The following CEP128 variants were observed in gnomAD, a reference collection of about 807,000 sequenced individuals.
CEP128 encodes the protein centrosomal protein 128kDa.
In CEP128, 132 loss-of-function variants were observed where a neutral mutation model predicts 156.7. The ratio of observed to expected loss-of-function variants is 0.84; its 90% CI spans 0.73 to 0.97. The LOEUF (loss-of-function observed/expected upper bound fraction) is 0.97, where lower values mean the gene tolerates loss of function less well. Ranked by LOEUF, CEP128 falls within the 50% of genes least tolerant of loss-of-function variation. The pLI, the probability that CEP128 is intolerant of heterozygous loss-of-function variation, is 0.00. For missense variants in CEP128, 1,252 were observed against 1,281.9 expected, an observed-to-expected ratio of 0.98 and a Z score of 0.36; for synonymous variants, 469 against 448.9, an observed-to-expected ratio of 1.04 and a Z score of -0.57.
intron 15 of CEP128, among the ~76,000 whole-genome samples, chr14:80,779,898 A>C (rs932898886): frequency 2.0e-5 from 3 of 152,232 alleles, no homozygotes; most frequent in African/African-American, 7.2e-5. Context: ...ACAGTGAGGC[A>C]TAAAAAGGTG....
At chr14:80,539,364 T>C (rs983615251) in intron 21 of CEP128, among the ~76,000 whole-genome samples, 1 of 152,162 alleles carries the variant, frequency 6.6e-6, no homozygotes, top group Non-Finnish European at 1.5e-5. Context: ...GGACAGGATA[T>C]GTTGCGGGAA....
chr14:80,637,267 G>A (rs1260294388), intron 19 of CEP128, among the ~76,000 whole-genome samples: 1 of 152,018 alleles, frequency 6.6e-6, no homozygotes, highest in African/African-American at 2.4e-5. Context: ...TTATGCAAGG[G>A]GATATTAAGG....
At chr14:80,764,306 G>A (rs1376145854) in intron 16 of CEP128, among the ~76,000 whole-genome samples, 6 of 151,932 alleles carry the variant, frequency 3.9e-5, no homozygotes, top group African/African-American at 1.4e-4. Context: ...AGACCATCCT[G>A]GCTAACAAGG....
chr14:80,651,844 G>A (rs960472806), intron 19 of CEP128, among the ~76,000 whole-genome samples: 1 of 151,992 alleles, frequency 6.6e-6, no homozygotes, highest in Non-Finnish European at 1.5e-5. Context: ...CAATTATGTG[G>A]TCAGTTTTAG....
At chr14:80,857,756 C>CAAA (rs1194054284) in intron 9 of CEP128, among the ~76,000 whole-genome samples, 8 of 123,392 alleles carry the variant, frequency 6.5e-5, no homozygotes, top group Admixed American at 2.4e-4. Flanking sequence ...ACAACAACAA[C>CAAA]AACAACAACA....
At chr14:80,783,518 C>A (rs551343871) in intron 15 of CEP128, among the ~76,000 whole-genome samples, 1 of 152,158 alleles carries the variant, frequency 6.6e-6, no homozygotes, top group Non-Finnish European at 1.5e-5. Flanking sequence ...GTGACCGGCA[C>A]AAAATGTTGA....
intron 20 of CEP128, among the ~76,000 whole-genome samples, chr14:80,574,974 G>T (rs527970995): frequency 1.3e-5 from 2 of 152,048 alleles, no homozygotes; most frequent in Admixed American, 6.5e-5. Context: ...CTGAAAAACA[G>T]CATGGCACTA....
At chr14:80,664,717 T>C (rs1487186840) in intron 19 of CEP128, among the ~76,000 whole-genome samples, 1 of 152,220 alleles carries the variant, frequency 6.6e-6, no homozygotes, top group Non-Finnish European at 1.5e-5. Context: ...CTATACTCCA[T>C]CACTTGACTA....
intron 14 of CEP128, among the ~76,000 whole-genome samples, chr14:80,482,933 A>G (rs1887085019): frequency 6.6e-6 from 1 of 152,230 alleles, no homozygotes; most frequent in Non-Finnish European, 1.5e-5. Context: ...CAAATATCTT[A>G]AAATAAAGGA....
In CEP128 at chr14:80,682,112, C is replaced by CA. The variant is rs35384638; in HGVS notation, c.2806+60962dup. ...GACAGAGTAAGACCCTTTCCCCCCA[C>CA]AAAAAAATAAAAAAGGAAAAAAGAA... On this transcript the variant is annotated intron_variant, in intron 19 of 24. Transcript: ENST00000555265. Among the ~76,000 whole-genome samples the CA allele has an allele frequency of 0.012, 1,849 of 151,348 alleles. 106 individuals carry two copies. The East Asian group carries it at 0.15, about 12-fold the overall frequency.
chr14:80,550,532 A>G (rs1334120540), intron 21 of CEP128, among the ~76,000 whole-genome samples: 4 of 152,048 alleles, frequency 2.6e-5, no homozygotes, highest in African/African-American at 9.7e-5. Flanking sequence ...CTTATAAAAT[A>G]AATATGACCC....
intron 17 of CEP128, 118 bp from the exon 18 acceptor site, chr14:80,757,069 G>A: frequency 1.5e-6 from 1 of 660,522 alleles, no homozygotes. Flanking sequence ...GATTTAAAAA[G>A]AAAAATTGTT....
chr14:80,807,856 G>A (rs944883393), intron 13 of CEP128, among the ~76,000 whole-genome samples: 1 of 152,122 alleles, frequency 6.6e-6, no homozygotes, highest in Non-Finnish European at 1.5e-5. Flanking sequence ...CACATCCTGG[G>A]TGCCCACGGA....
intron 3 of CEP128, among the ~76,000 whole-genome samples, chr14:80,915,548 A>G (rs2139501590): frequency 6.6e-6 from 1 of 152,300 alleles, no homozygotes; most frequent in African/African-American, 2.4e-5. Context: ...GCTGTGTTAC[A>G]CTTACCCCAC....
At chr14:80,846,616 A>T (rs912081996) in intron 9 of CEP128, among the ~76,000 whole-genome samples, 1 of 152,190 alleles carries the variant, frequency 6.6e-6, no homozygotes, top group African/African-American at 2.4e-5. Context: ...AGAATTTTGG[A>T]GAAAGACAGT....
intron 13 of CEP128, chr14:80,830,160 T>G: frequency 1.9e-6 from 1 of 534,044 alleles, no homozygotes; most frequent in Non-Finnish European, 3.4e-6. Flanking sequence ...ACCATTGCTC[T>G]GAGACAATTT....
chr14:80,588,760 G>A (rs563724084), intron 19 of CEP128, among the ~76,000 whole-genome samples: 25 of 152,086 alleles, frequency 1.6e-4, no homozygotes, highest in Non-Finnish European at 1.3e-4. Context: ...AAAACTTAAT[G>A]TTAAGATTTT....
intron 15 of CEP128, among the ~76,000 whole-genome samples, chr14:80,781,349 TG>T (rs1413307163): frequency 2.0e-5 from 3 of 147,164 alleles, no homozygotes; most frequent in African/African-American, 5.0e-5. Flanking sequence ...CCCAGCTACT[TG>T]GGAGGCTGAG....
intron 13 of CEP128, among the ~76,000 whole-genome samples, chr14:80,820,530 C>G: frequency 6.6e-6 from 1 of 152,188 alleles, no homozygotes; most frequent in East Asian, 1.9e-4. Flanking sequence ...GAAATCTTTA[C>G]CAGAGCTCTT....
Sources: allele counts gnomAD v4.1 joint callset (sites outside exome capture counted in the v4.1 genomes callset), GRCh38; gene constraint gnomAD v4.1.1; transcripts MANE v1.5; gene names NCBI Gene and HGNC (gene_info 2026-07-23, HGNC 2026-07-21).